Variants in ARSG observed in about 807,000 individuals in gnomAD.
ARSG encodes the protein arylsulfatase G, also known as ASG.
In ARSG, 37 loss-of-function variants were observed where a neutral mutation model predicts 50.5. That is an observed-to-expected ratio of 0.73 (90% CI 0.56 to 0.96). ARSG has a LOEUF of 0.96. Among genes scored for constraint, ARSG ranks in the 50% least tolerant of loss-of-function variants. The pLI, the probability that ARSG is intolerant of heterozygous loss-of-function variation, is 0.00. For synonymous variants in ARSG, 225 were observed against 254.6 expected (o/e 0.88, Z 1.11); for missense variants, 629 against 675.3 (o/e 0.93, Z 0.76).
chr17:68,408,205 T>A (rs2081825882), intron 11 of ARSG, among the ~76,000 whole-genome samples: 1 of 151,852 alleles, frequency 6.6e-6, no homozygotes, highest in Non-Finnish European at 1.5e-5. Flanking sequence ...ACATGTGCCA[T>A]GCTGGTGTGC....
At chr17:68,372,584 C>T (rs2079902517) in intron 8 of ARSG, among the ~76,000 whole-genome samples, 1 of 152,296 alleles carries the variant, frequency 6.6e-6, no homozygotes, top group African/African-American at 2.4e-5. Context: ...CACTCACCAT[C>T]ATGAGAACAG....
At chr17:68,382,034 T>C (rs1472066862) in intron 8 of ARSG, among the ~76,000 whole-genome samples, 1 of 151,178 alleles carries the variant, frequency 6.6e-6, no homozygotes, top group African/African-American at 2.4e-5. Flanking sequence ...CACTGCAACC[T>C]CCGCCTCCCG....
chr17:68,334,295 G>A (rs1221888785), intron 2 of ARSG, among the ~76,000 whole-genome samples: 1 of 152,138 alleles, frequency 6.6e-6, no homozygotes, highest in Non-Finnish European at 1.5e-5. Context: ...CAGCATCAGG[G>A]AATGAACCCA....
chr17:68,346,852 G>A, intron 3 of ARSG: 2 of 1,398,390 alleles, frequency 1.4e-6, no homozygotes, highest in Non-Finnish European at 1.9e-6. Context: ...AGGGGCAGAG[G>A]CTCAGGCTTC....
intron 1 of ARSG, chr17:68,285,689 AACTCCTGGGCTCAAGTG>A (rs2075825115): frequency 6.6e-6 from 1 of 152,220 alleles, no homozygotes; most frequent in East Asian, 1.9e-4. Context: ...AAAACAAAAA[AACTCCTGGGCTCAAGTG>A]ACCCTACTCA....
At chr17:68,395,285 G>T (rs942488258) in intron 10 of ARSG, 92 bp downstream of exon 10, 77 of 1,560,638 alleles carry the variant, frequency 4.9e-5, no homozygotes, top group Non-Finnish European at 6.2e-5. Context: ...ATCATCAGAA[G>T]ATGGTCAAGA....
chr17:68,368,383 T>C (rs1345544452), intron 6 of ARSG, among the ~76,000 whole-genome samples, 165 bp from the exon 7 acceptor site: 1 of 152,262 alleles, frequency 6.6e-6, no homozygotes, highest in African/African-American at 2.4e-5. Flanking sequence ...GCTAACCAGA[T>C]TGCTTTCACA....
At chr17:68,310,278 G>T (rs1002486221) in intron 2 of ARSG, among the ~76,000 whole-genome samples, 1 of 152,294 alleles carries the variant, frequency 6.6e-6, no homozygotes, top group East Asian at 1.9e-4. Flanking sequence ...CAGAGTTTTT[G>T]GAGAACAGAA....
chr17:68,335,381 G>A (rs956410613), intron 2 of ARSG, among the ~76,000 whole-genome samples: 9 of 151,832 alleles, frequency 5.9e-5, no homozygotes, highest in Admixed American at 2.0e-4. Context: ...GAGAAACCTC[G>A]TCTCTACTAA....
chr17:68,451,888 CAT>C, the ARSG span, among the ~76,000 whole-genome samples: 5 of 152,336 alleles, frequency 3.3e-5, no homozygotes, highest in African/African-American at 1.2e-4. Context: ...ACATTCTTTT[CAT>C]ATGTGTGCCT....
chr17:68,402,915 G>C (rs1367936038), intron 11 of ARSG, among the ~76,000 whole-genome samples: 1 of 152,068 alleles, frequency 6.6e-6, no homozygotes, highest in Non-Finnish European at 1.5e-5. Flanking sequence ...CACTTAGTAG[G>C]AACGCTACAA....
At chr17:68,426,118 G>C (rs749738363), downstream of ARSG, 1 of 1,612,500 alleles carries the variant, frequency 6.2e-7, no homozygotes, top group Non-Finnish European at 8.5e-7. Flanking sequence ...TGGTCCCGTC[G>C]CAAACTCATG....
chr17:68,410,669 T>C (rs2081959258), intron 11 of ARSG, among the ~76,000 whole-genome samples: 1 of 152,220 alleles, frequency 6.6e-6, no homozygotes, highest in African/African-American at 2.4e-5. Context: ...CCTCTTTTTC[T>C]ATTGATTGGA....
At chr17:68,445,882 A>AG in the ARSG span, among the ~76,000 whole-genome samples, 72 of 152,242 alleles carry the variant, frequency 4.7e-4, 2 homozygotes, top group Middle Eastern at 0.024. Context: ...ATGCCCAAGG[A>AG]GCTGCCCAAG....
At chr17:68,393,331 G>A (rs554895146) in intron 9 of ARSG, among the ~76,000 whole-genome samples, 1 of 152,194 alleles carries the variant, frequency 6.6e-6, no homozygotes, top group Admixed American at 6.5e-5. Context: ...GTAACGCCCT[G>A]GACGAGTCCG....
intron 2 of ARSG, among the ~76,000 whole-genome samples, chr17:68,309,273 G>A (rs1477538240): frequency 6.6e-6 from 1 of 152,258 alleles, no homozygotes; most frequent in African/African-American, 2.4e-5. Context: ...CGCAGCCCCA[G>A]TTCCCGCTCG....
the ARSG span, chr17:68,434,722 C>G: frequency 3.9e-6 from 5 of 1,279,326 alleles, no homozygotes; most frequent in Non-Finnish European, 5.5e-6. Context: ...TTTTGAACAT[C>G]TGTCTCTGAG....
intron 5 of ARSG, 58 bp downstream of exon 5, chr17:68,351,744 G>C (rs2078774205): frequency 8.8e-7 from 1 of 1,135,872 alleles, no homozygotes; most frequent in Non-Finnish European, 1.3e-6. Flanking sequence ...TTCCAAGACT[G>C]TGGTCCATCA....
At chr17:68,422,045 G>C (rs758512133), downstream of ARSG, 71 of 546,014 alleles carry the variant, frequency 1.3e-4, no homozygotes, top group African/African-American at 7.0e-4. Flanking sequence ...AAATGTCTCT[G>C]TGTGTGTGTG....
Sources: allele counts gnomAD v4.1 joint callset (sites outside exome capture counted in the v4.1 genomes callset), GRCh38; gene constraint gnomAD v4.1.1; transcripts MANE v1.5; gene names NCBI Gene and HGNC (gene_info 2026-07-23, HGNC 2026-07-21).